The following DOCK5 variants were observed in gnomAD, a reference collection of about 807,000 sequenced individuals.
DOCK5 encodes the protein dedicator of cytokinesis protein 5.
DOCK5 carries 142 observed loss-of-function variants against 251.8 expected under a neutral mutation model. The observed-to-expected ratio is 0.56, with a 90% CI of 0.49 to 0.65. The LOEUF is 0.65. Among genes scored for constraint, DOCK5 ranks in the 30% least tolerant of loss-of-function variants. The pLI is 0.00. For missense variants in DOCK5, 2,111 were observed against 2,312.3 expected, an observed-to-expected ratio of 0.91 and a Z score of 1.79; for synonymous variants, 842 against 835.5, an observed-to-expected ratio of 1.01 and a Z score of -0.13.
chr8:25,304,287 G>C lies in DOCK5; in HGVS notation c.1009G>C (p.Val337Leu). The C allele has an allele frequency of 6.2e-7, 1 of 1,610,842 alleles. No homozygotes were observed. The highest frequency in any genetic ancestry group is 8.5e-7 in the Non-Finnish European group (1 of 1,178,622). Reference protein sequence around the residue: ...MDITDIIHGKVDDEEKQHFIP... With the variant: ...MDITDIIHGKLDDEEKQHFIP... ...TATTACTGATATCATACATGGGAAG[G>C]TGGATGATGAAGAAAAGCAGCATTT... Residue 337 changes from valine to leucine, a missense_variant, in exon 11 of 52, where the codon GTG becomes CTG. This residue lies in a region of DOCK5 where 1,717 missense variants were observed against 1,892.4 expected (regional missense o/e 0.91). Coordinates refer to ENST00000276440, the MANE Select transcript of DOCK5 (RefSeq NM_024940.8).
At chr8:25,219,623 T>C (rs2117495203) in intron 1 of DOCK5, among the ~76,000 whole-genome samples, 1 of 152,346 alleles carries the variant, frequency 6.6e-6, no homozygotes, top group Non-Finnish European at 1.5e-5. Context: ...TTCCACTTCC[T>C]TGACAGTTTG....
Position 25,256,410 on chromosome 8 carries a change from G to A in DOCK5, c.128-12435G>A, listed in dbSNP as rs1433742550. Among the ~76,000 whole-genome samples, 3 of 152,008 alleles carry A rather than the reference G, an allele frequency of 2.0e-5. 1 individual carries two copies. Among genetic ancestry groups the A allele is most frequent in the South Asian group, 4.1e-4 (2 of 4,834 alleles). ...TCCCAACACTTTGGGAGGCTGAGGCGGGTGGATCACTTGAGGTTAGGAGTT... is the reference window on the plus strand; with the variant it reads ...TCCCAACACTTTGGGAGGCTGAGGCAGGTGGATCACTTGAGGTTAGGAGTT... On this transcript the variant is annotated intron_variant, in intron 2 of 51. Transcript: ENST00000276440.
At position 25,302,271 on chromosome 8, in the gene DOCK5, A is replaced by C; in HGVS notation, c.847-54A>C. On this transcript the variant is annotated intron_variant, in intron 9 of 51. Transcript: ENST00000276440. ...TAGAGGGTAAAGAAAAAAGAGACAC[A>C]GGTGACACAGTGGTCCAGCCCCACC... is the stretch of plus-strand genomic sequence containing the variant. The C allele has an allele frequency of 2.0e-6, 3 of 1,525,992 alleles. No individual in the cohort carries two copies. In the East Asian group the frequency reaches 6.9e-5, roughly 35 times the overall value. The allele number at this position is 1,525,992 out of a possible 1,614,324, so 94.5% of individuals were successfully genotyped here.
At position 25,278,652 on chromosome 8, in the gene DOCK5, G is replaced by A. The variant is rs143551268; in HGVS notation, c.308G>A (p.Arg103Gln). ...CTGCGAGAATGGGCTGTCATCTGGC[G>A]AAAGCTCTACGTGGTGAGTTTCCCC... ...STLREWAVIWRKLYVNNKLTL... is the reference protein window; with the variant it reads ...STLREWAVIWQKLYVNNKLTL... Residue 103 changes from arginine (R) to glutamine (Q), a missense_variant, in exon 5 of 52, where the codon CGA becomes CAA. Coordinates refer to ENST00000276440, the MANE Select transcript of DOCK5 (RefSeq NM_024940.8). 7 of 1,613,708 alleles carry A rather than the reference G, an allele frequency of 4.3e-6. No homozygotes were observed. The highest frequency in any genetic ancestry group is 2.7e-5 in the African/African-American group (2 of 74,916).
intron 1 of DOCK5, among the ~76,000 whole-genome samples, chr8:25,194,919 A>AT (rs61521553): frequency 1.0e-4 from 15 of 150,340 alleles, no homozygotes; most frequent in South Asian, 2.1e-4. Context: ...CTGCAACGGT[A>AT]TTTTTTTTTT....
At chr8:25,222,292 A>T (rs1318636257) in intron 1 of DOCK5, among the ~76,000 whole-genome samples, 2 of 152,068 alleles carry the variant, frequency 1.3e-5, no homozygotes, top group Non-Finnish European at 2.9e-5. Context: ...GGCAGACCAT[A>T]CTCTTGAGGG....
At chr8:25,335,097 C>G (rs140120835) in intron 21 of DOCK5, among the ~76,000 whole-genome samples, 1 of 152,202 alleles carries the variant, frequency 6.6e-6, no homozygotes, top group African/African-American at 2.4e-5. Flanking sequence ...CACACCCACC[C>G]GTTGCCTTCC....
At chr8:25,348,350 T>A (rs982303108) in intron 26 of DOCK5, among the ~76,000 whole-genome samples, 4 of 152,228 alleles carry the variant, frequency 2.6e-5, no homozygotes, top group African/African-American at 9.6e-5. Context: ...ATTCTTTTCA[T>A]GCTCCCTTTG....
chr8:25,186,902 T>C (rs1319278436), intron 1 of DOCK5, among the ~76,000 whole-genome samples: 1 of 151,978 alleles, frequency 6.6e-6, no homozygotes, highest in Non-Finnish European at 1.5e-5. Flanking sequence ...CACTTATCAG[T>C]CAAGAAAAAT....
At chr8:25,283,096 G>T (rs1330059257) in intron 5 of DOCK5, among the ~76,000 whole-genome samples, 1 of 152,102 alleles carries the variant, frequency 6.6e-6, no homozygotes, top group Non-Finnish European at 1.5e-5. Flanking sequence ...ATTTTTAGCA[G>T]TTATACGGTA....
At chr8:25,330,552 A>G (rs1384353535) in intron 18 of DOCK5, among the ~76,000 whole-genome samples, 3 of 152,150 alleles carry the variant, frequency 2.0e-5, no homozygotes, top group African/African-American at 7.2e-5. Flanking sequence ...CTAAAGGGTA[A>G]AAGAGAATGG....
At chr8:25,351,968 AGATCTTGATTCT>A in intron 27 of DOCK5, 142 bp downstream of exon 27, 1 of 633,220 alleles carries the variant, frequency 1.6e-6, no homozygotes, top group South Asian at 2.0e-5. Flanking sequence ...TAACCTTAGC[AGATCTTGATTCT>A]GACATGGATT....
chr8:25,315,581 A>G (rs1376568788), intron 13 of DOCK5, among the ~76,000 whole-genome samples: 1 of 152,248 alleles, frequency 6.6e-6, no homozygotes, highest in Non-Finnish European at 1.5e-5. Context: ...AATTTATTCA[A>G]CTAATTCCCT....
At chr8:25,281,532 G>A (rs1804193685) in intron 5 of DOCK5, among the ~76,000 whole-genome samples, 2 of 149,962 alleles carry the variant, frequency 1.3e-5, no homozygotes, top group African/African-American at 2.5e-5. Context: ...ATAAGGTCTT[G>A]TTGAACATTT....
At chr8:25,202,036 A>T (rs1448547044) in intron 1 of DOCK5, among the ~76,000 whole-genome samples, 2 of 152,052 alleles carry the variant, frequency 1.3e-5, no homozygotes, top group Non-Finnish European at 2.9e-5. Context: ...CTTCTCTTTG[A>T]GACAGAGTCT....
At position 25,317,119 on chromosome 8, in the gene DOCK5, C is replaced by A. The variant is rs750055659; in HGVS notation, c.1431C>A (p.Gly477=). The change falls in exon 14 of 52, where the codon GGC becomes GGA. Residue 477 remains glycine (G), a synonymous_variant. Coordinates refer to ENST00000276440, the MANE Select transcript of DOCK5 (RefSeq NM_024940.8). ...EVTMSVHDEE[G]KLLEKAIHPG... ...CGATGTCTGTGCACGATGAGGAGGG[C>A]AAGCTCTTGGAGGTGCGCGGCATGG... is the stretch of plus-strand genomic sequence containing the variant. The A allele has an allele frequency of 1.2e-5, 19 of 1,613,748 alleles. No homozygotes were observed. Among genetic ancestry groups the A allele is most frequent in the Non-Finnish European group, 1.5e-5 (18 of 1,179,752 alleles).
At chr8:25,263,529 T>C (rs1208842072) in intron 2 of DOCK5, among the ~76,000 whole-genome samples, 1 of 151,882 alleles carries the variant, frequency 6.6e-6, no homozygotes, top group East Asian at 1.9e-4. Flanking sequence ...CCCATATTTT[T>C]AATAGATTTA....
At chr8:25,334,013 G>C in intron 20 of DOCK5, 83 bp from the exon 21 acceptor site, 1 of 964,188 alleles carries the variant, frequency 1.0e-6, no homozygotes, top group Non-Finnish European at 1.7e-6. Flanking sequence ...AGGAAAGAAG[G>C]CACCGAGATG....
At chr8:25,307,989 T>C (rs1017186029) in intron 11 of DOCK5, among the ~76,000 whole-genome samples, 1 of 152,168 alleles carries the variant, frequency 6.6e-6, no homozygotes, top group African/African-American at 2.4e-5. Context: ...AGCAATCCCA[T>C]TTGCCAGTCA....
Sources: allele counts gnomAD v4.1 joint callset (sites outside exome capture counted in the v4.1 genomes callset), GRCh38; gene constraint gnomAD v4.1.1; regional missense constraint gnomAD v4.1.1; transcripts MANE v1.5; gene names NCBI Gene and HGNC (gene_info 2026-07-23, HGNC 2026-07-21).